Variants in NRG3 observed in about 807,000 individuals in gnomAD.
The protein encoded by NRG3 is pro-neuregulin-3, membrane-bound isoform.
In NRG3, 31 loss-of-function variants were observed where a neutral mutation model predicts 66.9. The ratio of observed to expected loss-of-function variants is 0.46; its 90% CI spans 0.35 to 0.63. The LOEUF is 0.63. NRG3 is among the 20% of genes least tolerant of loss of function. The probability of loss-of-function intolerance (pLI) is 0.00; values close to 1 mark genes in which losing one functional copy is unlikely to be tolerated. For synonymous variants in NRG3, 393 were observed against 359.4 expected (o/e 1.09, Z -1.06); for missense variants, 910 against 878.9 (o/e 1.04, Z -0.45).
intron 3 of NRG3, among the ~76,000 whole-genome samples, chr10:82,750,565 G>T (rs566120247): frequency 1.3e-5 from 2 of 152,150 alleles, no homozygotes; most frequent in Admixed American, 1.3e-4. Context: ...AGTTTTTCAT[G>T]GAATGAGGAC....
intron 2 of NRG3, among the ~76,000 whole-genome samples, chr10:82,580,265 A>G (rs951362504): frequency 3.9e-5 from 6 of 152,014 alleles, no homozygotes; most frequent in Non-Finnish European, 8.8e-5. Context: ...GAAAATTAAT[A>G]AACTGTATAT....
chr10:82,546,782 C>A (rs1488571199), intron 2 of NRG3, among the ~76,000 whole-genome samples: 4 of 152,126 alleles, frequency 2.6e-5, no homozygotes, highest in Non-Finnish European at 4.4e-5. Context: ...TTCCACAAAA[C>A]AACATAAATG....
At chr10:82,711,987 C>A (rs1224796077) in intron 2 of NRG3, among the ~76,000 whole-genome samples, 1 of 152,100 alleles carries the variant, frequency 6.6e-6, no homozygotes, top group Non-Finnish European at 1.5e-5. Context: ...TCTTTCTATT[C>A]AAGAAAATGA....
intron 1 of NRG3, among the ~76,000 whole-genome samples, chr10:82,313,447 C>T (rs1302109021): frequency 6.6e-6 from 1 of 152,054 alleles, no homozygotes; most frequent in Non-Finnish European, 1.5e-5. Flanking sequence ...TTGAGCCAAT[C>T]CTGAATGTAT....
At chr10:82,179,880 T>C (rs2073295288) in intron 1 of NRG3, among the ~76,000 whole-genome samples, 1 of 151,964 alleles carries the variant, frequency 6.6e-6, no homozygotes, top group South Asian at 2.1e-4. Context: ...AAGTAGAATG[T>C]ATTTCCATTT....
intron 2 of NRG3, among the ~76,000 whole-genome samples, chr10:82,702,967 A>ATT (rs5786564): frequency 1.8e-4 from 27 of 151,016 alleles, no homozygotes; most frequent in Admixed American, 4.0e-4. Flanking sequence ...TGTTTCTGCC[A>ATT]TTTTTTTTGT....
chr10:82,813,806 T>A (rs994327707), intron 3 of NRG3, among the ~76,000 whole-genome samples: 15 of 152,222 alleles, frequency 9.9e-5, no homozygotes, highest in Admixed American at 2.6e-4. Flanking sequence ...AGAGATTGTA[T>A]ATTGAAGCGA....
chr10:82,433,507 G>A (rs1211823935), intron 2 of NRG3, among the ~76,000 whole-genome samples: 3 of 152,106 alleles, frequency 2.0e-5, no homozygotes, highest in African/African-American at 7.2e-5. Context: ...TGTTGCAATT[G>A]CTTTTGGCAT....
In NRG3 at chr10:82,926,149, G is replaced by A. The variant is rs181934234; in HGVS notation, c.1055-25320G>A. Among the ~76,000 whole-genome samples the A allele has an allele frequency of 3.3e-5, 5 of 152,272 alleles. No individual in the cohort carries two copies. In the East Asian group the frequency reaches 7.7e-4, roughly 24 times the overall value. ...AAAACTCCACCAAGTTCCAAAAAACGAAACTTGAATTTGCCATATGCCAAA... is the reference window on the plus strand; with the variant it reads ...AAAACTCCACCAAGTTCCAAAAAACAAAACTTGAATTTGCCATATGCCAAA... On this transcript the variant is annotated intron_variant, in intron 4 of 8. Coordinates refer to ENST00000372141, the MANE Select transcript of NRG3 (RefSeq NM_001010848.4).
chr10:82,023,609 C>T (rs144794965), intron 1 of NRG3, among the ~76,000 whole-genome samples: 23 of 152,122 alleles, frequency 1.5e-4, no homozygotes, highest in African/African-American at 5.3e-4. Flanking sequence ...CAGCTATGAT[C>T]ATATGGCTTT....
chr10:82,437,251 T>A, intron 2 of NRG3, among the ~76,000 whole-genome samples: 1 of 151,972 alleles, frequency 6.6e-6, no homozygotes, highest in East Asian at 1.9e-4. Context: ...TTCTTTTTTC[T>A]CTATTCTTGT....
intron 1 of NRG3, among the ~76,000 whole-genome samples, chr10:82,124,753 G>A (rs1429058598): frequency 6.6e-6 from 1 of 150,872 alleles, no homozygotes; most frequent in African/African-American, 2.4e-5. Context: ...AGTTTAACAA[G>A]TTTGGATGCC....
At position 82,985,460 on chromosome 10, in the gene NRG3, A is replaced by C. The variant is rs776628299; in HGVS notation, c.1946A>C (p.Asp649Ala). The C allele has an allele frequency of 3.1e-6, 5 of 1,614,124 alleles. No homozygotes were observed. Among genetic ancestry groups the C allele is most frequent in the Non-Finnish European group, 2.5e-6 (3 of 1,180,008 alleles). The change falls in exon 9 of 9, where the codon GAC (aspartate) becomes GCC (alanine). Residue 649 changes from aspartate to alanine, a missense_variant. Physicochemically the swap from Asp to Ala is moderately radical, Grantham distance 126 (BLOSUM62 -2). Coordinates refer to ENST00000372141, the MANE Select transcript of NRG3 (RefSeq NM_001010848.4). ...RILTDARRSE[D>A]YELASVETED... ...CTGACTGATGCCAGACGGTCAGAAGACTACGAACTGGCCAGCGTAGAAACC... is the reference window on the plus strand; with the variant it reads ...CTGACTGATGCCAGACGGTCAGAAGCCTACGAACTGGCCAGCGTAGAAACC...
chr10:82,473,257 A>G (rs1337616208), intron 2 of NRG3, among the ~76,000 whole-genome samples: 2 of 152,234 alleles, frequency 1.3e-5, no homozygotes, highest in Non-Finnish European at 2.9e-5. Flanking sequence ...TAGTGGGTGA[A>G]GAAAGGAACT....
At chr10:82,365,665 G>T (rs929557467) in intron 2 of NRG3, among the ~76,000 whole-genome samples, 1 of 152,016 alleles carries the variant, frequency 6.6e-6, no homozygotes, top group Non-Finnish European at 1.5e-5. Flanking sequence ...AAATTAGTTG[G>T]CAGTTAGTAC....
chr10:82,391,295 C>A (rs2086349326), intron 2 of NRG3, among the ~76,000 whole-genome samples: 1 of 152,034 alleles, frequency 6.6e-6, no homozygotes, highest in Admixed American at 6.6e-5. Flanking sequence ...ACTTTTCATA[C>A]CACCTTGCCA....
intron 3 of NRG3, among the ~76,000 whole-genome samples, chr10:82,829,029 T>C (rs748998577): frequency 1.3e-5 from 2 of 152,136 alleles, no homozygotes; most frequent in Non-Finnish European, 2.9e-5. Context: ...TTAAAGCCTT[T>C]TTGTTTGTTT....
chr10:82,468,048 G>T (rs1041288892), intron 2 of NRG3, among the ~76,000 whole-genome samples: 2 of 152,172 alleles, frequency 1.3e-5, no homozygotes, highest in Admixed American at 1.3e-4. Context: ...CATCACTAAG[G>T]CAATCAATTT....
chr10:82,973,889 A>G lies in NRG3; in HGVS notation c.1386A>G (p.Arg462=). 6.2e-7 allele frequency: 1 copy of G among 1,614,068 alleles called. No homozygotes were observed. Among genetic ancestry groups the G allele is most frequent in the South Asian group, 1.1e-5 (1 of 91,084 alleles). Residue 462 remains arginine (R), a synonymous_variant, in exon 7 of 9, where the codon AGA becomes AGG. Transcript: ENST00000372141. ...TCCCTGAGGTCCCTTCTCCTGACAG[A>G]GGAAGCCAGTCTGTCAAACACCACA... is the stretch of plus-strand genomic sequence containing the variant. ...QSFPEVPSPD[R]GSQSVKHHRS...
Sources: allele counts gnomAD v4.1 joint callset (sites outside exome capture counted in the v4.1 genomes callset), GRCh38; gene constraint gnomAD v4.1.1; transcripts MANE v1.5; gene names NCBI Gene and HGNC (gene_info 2026-07-23, HGNC 2026-07-21).